The following CSMD1 variants were observed in gnomAD, a reference collection of about 807,000 sequenced individuals.
CSMD1 encodes the protein CUB and Sushi multiple domains 1, also known as CUB and sushi domain-containing protein 1.
Under a neutral mutation model 417.5 loss-of-function variants are expected in CSMD1, and 213 were observed. That is an observed-to-expected ratio of 0.51 (90% CI 0.46 to 0.57). The LOEUF is 0.57. Among genes scored for constraint, CSMD1 ranks in the 20% least tolerant of loss-of-function variants. The pLI, the probability that CSMD1 is intolerant of heterozygous loss-of-function variation, is 0.00. For missense variants in CSMD1, 6,923 were observed against 4,529.7 expected, an observed-to-expected ratio of 1.53 and a Z score of -15.17; for synonymous variants, 2,862 against 1,736.8, an observed-to-expected ratio of 1.65 and a Z score of -16.11.
chr8:3,636,700 C>A (rs1042278239), intron 7 of CSMD1, among the ~76,000 whole-genome samples: 1 of 152,196 alleles, frequency 6.6e-6, no homozygotes, highest in Non-Finnish European at 1.5e-5. Context: ...AAGCCTGGAG[C>A]CACGCTCTTG....
At chr8:3,739,879 C>T (rs1796705047) in intron 6 of CSMD1, among the ~76,000 whole-genome samples, 1 of 152,066 alleles carries the variant, frequency 6.6e-6, no homozygotes, top group South Asian at 2.1e-4. Context: ...TGAAGAATCT[C>T]CAGTAAATAA....
intron 1 of CSMD1, among the ~76,000 whole-genome samples, chr8:4,935,843 G>C (rs1030776597): frequency 5.3e-5 from 8 of 152,234 alleles, no homozygotes; most frequent in African/African-American, 1.7e-4. Context: ...ACCAAAAGCA[G>C]ATTCAAACGT....
At chr8:4,419,148 T>G (rs1385245163) in intron 3 of CSMD1, among the ~76,000 whole-genome samples, 1 of 152,194 alleles carries the variant, frequency 6.6e-6, no homozygotes, top group Non-Finnish European at 1.5e-5. Context: ...GTGTGTGTTG[T>G]AAATAGGAAT....
Position 4,275,563 on chromosome 8 carries a change from G to C in CSMD1, c.415+144390C>G, listed in dbSNP as rs78486860. Among the ~76,000 whole-genome samples, 261 of 152,186 alleles carry C rather than the reference G, an allele frequency of 1.7e-3. 1 individual carries two copies. The highest frequency in any genetic ancestry group is 6.0e-3 in the African/African-American group (249 of 41,556). ...TGGTGAACTTCCAAAACTTCTGAGT[G>C]TTCCTAAAATTGGCATAGATAAAAG... On this transcript the variant is annotated intron_variant, in intron 3 of 69. Coordinates refer to ENST00000635120, the MANE Select transcript of CSMD1 (RefSeq NM_033225.6).
At chr8:4,824,233 G>A (rs1320000608) in intron 1 of CSMD1, among the ~76,000 whole-genome samples, 1 of 152,036 alleles carries the variant, frequency 6.6e-6, no homozygotes, top group Non-Finnish European at 1.5e-5. Context: ...GATTAGCCAA[G>A]AAAGAGGGCT....
intron 1 of CSMD1, among the ~76,000 whole-genome samples, chr8:4,670,356 T>G (rs372431293): frequency 6.6e-6 from 1 of 152,100 alleles, no homozygotes; most frequent in African/African-American, 2.4e-5. Flanking sequence ...GTGTCAAGAT[T>G]GTGGCTAATA....
chr8:4,565,290 C>G (rs566235977), intron 2 of CSMD1, among the ~76,000 whole-genome samples: 3 of 152,190 alleles, frequency 2.0e-5, no homozygotes, highest in Non-Finnish European at 4.4e-5. Context: ...ACAAGTGTAA[C>G]TGTAAATTTC....
At chr8:3,214,263 A>T (rs1797770640) in intron 30 of CSMD1, among the ~76,000 whole-genome samples, 1 of 152,110 alleles carries the variant, frequency 6.6e-6, no homozygotes, top group African/African-American at 2.4e-5. Flanking sequence ...AAAATGTAAA[A>T]CTGTACGAGC....
At chr8:3,354,847 A>G (rs1808641502) in intron 21 of CSMD1, among the ~76,000 whole-genome samples, 1 of 91,452 alleles carries the variant, frequency 1.1e-5, no homozygotes, top group African/African-American at 5.0e-5. Flanking sequence ...AGATACACTA[A>G]ACCCTCTCCC....
intron 3 of CSMD1, among the ~76,000 whole-genome samples, chr8:4,325,060 C>G (rs1412219759): frequency 6.6e-6 from 1 of 152,146 alleles, no homozygotes; most frequent in Non-Finnish European, 1.5e-5. Context: ...TGTAGTTACG[C>G]ATCCAGTGGA....
At chr8:3,127,068 G>C (rs527541516) in intron 41 of CSMD1, among the ~76,000 whole-genome samples, 173 of 152,332 alleles carry the variant, frequency 1.1e-3, no homozygotes, top group African/African-American at 4.0e-3. Context: ...GTGATCTGCA[G>C]GGAGAACATC....
At chr8:4,742,612 T>C (rs1258489323) in intron 1 of CSMD1, among the ~76,000 whole-genome samples, 1 of 152,160 alleles carries the variant, frequency 6.6e-6, no homozygotes, top group East Asian at 1.9e-4. Context: ...GAATTCCTTT[T>C]ATTAATACTG....
chr8:3,938,438 G>A (rs1194470161), intron 5 of CSMD1, among the ~76,000 whole-genome samples: 1 of 152,180 alleles, frequency 6.6e-6, no homozygotes, highest in African/African-American at 2.4e-5. Flanking sequence ...AGAGCTTAAT[G>A]TCTTTGTGCA....
At chr8:4,397,652 T>A (rs547552041) in intron 3 of CSMD1, among the ~76,000 whole-genome samples, 1 of 151,662 alleles carries the variant, frequency 6.6e-6, no homozygotes, top group South Asian at 2.1e-4. Context: ...TGTTCTAAGA[T>A]TCTGCTTTAA....
At chr8:3,752,188 G>A (rs899912041) in intron 6 of CSMD1, among the ~76,000 whole-genome samples, 8 of 152,144 alleles carry the variant, frequency 5.3e-5, no homozygotes, top group African/African-American at 1.7e-4. Context: ...ATATGGGGAG[G>A]TATGGAAAAG....
chr8:4,712,128 G>C (rs981123329), intron 1 of CSMD1, among the ~76,000 whole-genome samples: 2 of 152,206 alleles, frequency 1.3e-5, no homozygotes. Flanking sequence ...GACTGACCGT[G>C]GTTGAAGCTG....
chr8:3,009,929 A>G (rs1244364803), intron 52 of CSMD1, among the ~76,000 whole-genome samples: 1 of 152,200 alleles, frequency 6.6e-6, no homozygotes, highest in Non-Finnish European at 1.5e-5. Context: ...AACCAGGGCC[A>G]TCATTTGGAC....
At position 4,548,709 on chromosome 8, in the gene CSMD1, A is replaced by C. The variant is rs183752360; in HGVS notation, c.302+88633T>G. Reference sequence around the variant, plus strand: ...TGTCTACAAAGCATTTCTCTTTTTTAACTGATCTCCAGTTGTCAAGGTAAT... The same window carrying C: ...TGTCTACAAAGCATTTCTCTTTTTTCACTGATCTCCAGTTGTCAAGGTAAT... On this transcript the variant is annotated intron_variant, in intron 2 of 69. Transcript: ENST00000635120. 2.6e-5 allele frequency among the ~76,000 whole-genome samples: 4 copies of C among 152,268 alleles called. No individual in the cohort carries two copies. In the East Asian group the frequency reaches 7.7e-4, roughly 29 times the overall value.
intron 3 of CSMD1, among the ~76,000 whole-genome samples, chr8:4,107,098 G>A (rs184248051): frequency 3.3e-5 from 5 of 152,240 alleles, no homozygotes; most frequent in Admixed American, 2.0e-4. Context: ...AGGTGATAAT[G>A]ACGACAGAAA....
Sources: allele counts gnomAD v4.1 joint callset (sites outside exome capture counted in the v4.1 genomes callset), GRCh38; gene constraint gnomAD v4.1.1; transcripts MANE v1.5; gene names NCBI Gene and HGNC (gene_info 2026-07-23, HGNC 2026-07-21).